TDRP: variants seen among roughly 807,000 people sequenced by gnomAD.
TDRP encodes the protein testis development-related protein.
A neutral mutation model predicts 10.5 loss-of-function variants in TDRP; 12 were observed. The ratio of observed to expected loss-of-function variants is 1.15; its 90% CI spans 0.73 to 1.86. The LOEUF is 1.86. TDRP is among the 40% of genes most tolerant of loss of function. The probability of loss-of-function intolerance (pLI) is 0.00; values close to 1 mark genes in which losing one functional copy is unlikely to be tolerated. For missense variants in TDRP, 353 were observed against 229.2 expected (o/e 1.54, Z -3.49); for synonymous variants, 139 against 95.4 (o/e 1.46, Z -2.67).
chr8:521,587 C>T (rs1053132549), intron 1 of TDRP, among the ~76,000 whole-genome samples: 5 of 152,154 alleles, frequency 3.3e-5, no homozygotes, highest in African/African-American at 1.2e-4. Context: ...TTCCATTGTT[C>T]TATATGTCCG....
intron 1 of TDRP, among the ~76,000 whole-genome samples, chr8:537,436 T>C (rs1802376125): frequency 6.6e-6 from 1 of 152,356 alleles, no homozygotes; most frequent in African/African-American, 2.4e-5. Context: ...AAGCATTAAC[T>C]ATTTCTATTA....
Position 494,522 on chromosome 8 carries a change from C to A in TDRP, c.184G>T (p.Glu62Ter). ...FNKDDEQHLL[E>*]RCKSPKSKGT... ...TTGGACTTGGGAGATTTACATCTTT[C>A]CAGGAGATGCTGCTCATCATCTTTG... Residue 62 changes from glutamate (E) to a stop codon, truncating the protein, a stop_gained, in exon 2 of 3, where the codon GAA (glutamate) becomes TAA (stop). Transcript: ENST00000324079. LOFTEE classifies it low-confidence loss of function (END_TRUNC). 6.2e-7 allele frequency: 1 copy of A among 1,613,958 alleles called. No individual in the cohort carries two copies. The highest frequency in any genetic ancestry group is 8.5e-7 in the Non-Finnish European group (1 of 1,179,874).
rs1584889968 is a variant in TDRP, at chr8:544,641, C to A, written c.108+9G>T. ...CCTACTAGCACTCCCCACCTGCGCACCCCCTCACCTGCGCCTGGGCGGCGG... is the reference window on the plus strand; with the variant it reads ...CCTACTAGCACTCCCCACCTGCGCAACCCCTCACCTGCGCCTGGGCGGCGG... On this transcript the variant is annotated intron_variant, in intron 1 of 2. Transcript: ENST00000324079. The A allele has an allele frequency of 2.4e-6, 3 of 1,234,888 alleles. No individual in the cohort carries two copies. The highest frequency in any genetic ancestry group is 3.1e-5 in the African/African-American group (2 of 63,976). 76.5% of individuals were successfully genotyped at this position (1,234,888 alleles called of 1,614,324 possible).
intron 1 of TDRP, among the ~76,000 whole-genome samples, chr8:529,286 C>T (rs367862413): frequency 1.3e-5 from 2 of 152,112 alleles, no homozygotes; most frequent in African/African-American, 4.8e-5. Context: ...CTACTATGAT[C>T]CCACGAAAAT....
At chr8:514,615 C>A (rs566838377) in intron 1 of TDRP, among the ~76,000 whole-genome samples, 3 of 152,308 alleles carry the variant, frequency 2.0e-5, no homozygotes, top group South Asian at 4.2e-4. Flanking sequence ...CATGTGGCCA[C>A]AAAACCACCC....
At chr8:507,744 G>A (rs1308437345) in intron 1 of TDRP, among the ~76,000 whole-genome samples, 1 of 152,140 alleles carries the variant, frequency 6.6e-6, no homozygotes, top group Non-Finnish European at 1.5e-5. Context: ...AATGGGAAAG[G>A]GGGAACAGTC....
At chr8:495,535 G>A (rs540825636) in intron 1 of TDRP, among the ~76,000 whole-genome samples, 31 of 152,304 alleles carry the variant, frequency 2.0e-4, no homozygotes, top group Admixed American at 7.8e-4. Flanking sequence ...TTACTAAGAA[G>A]AATGGAGAAA....
At chr8:517,282 T>C (rs1801781884) in intron 1 of TDRP, among the ~76,000 whole-genome samples, 1 of 152,164 alleles carries the variant, frequency 6.6e-6, no homozygotes, top group Non-Finnish European at 1.5e-5. Flanking sequence ...ATTTCACATA[T>C]TTTGGAATGG....
rs148597679 is a variant in TDRP at position 544,208 on chromosome 8, G to C, written c.108+442C>G. ...CGAGGAGGCCGTCCGGATGCGCGAT[G>C]ATTCAGGCCTTCTCCGCCAGCTCCA... On this transcript the variant is annotated intron_variant, in intron 1 of 2. Transcript: ENST00000324079. Among the ~76,000 whole-genome samples, 1,357 of 152,260 alleles carry C rather than the reference G, an allele frequency of 8.9e-3. 24 individuals are homozygous for C. Among genetic ancestry groups the C allele is most frequent in the African/African-American group, 0.031 (1,284 of 41,566 alleles).
intron 1 of TDRP, among the ~76,000 whole-genome samples, chr8:541,617 C>T (rs1488639096): frequency 1.3e-5 from 2 of 152,128 alleles, no homozygotes; most frequent in Non-Finnish European, 2.9e-5. Flanking sequence ...AGACACCTCA[C>T]CAAAAAAGGG....
intron 1 of TDRP, among the ~76,000 whole-genome samples, chr8:539,735 T>C (rs933775129): frequency 9.2e-5 from 14 of 152,196 alleles, no homozygotes; most frequent in Non-Finnish European, 1.8e-4. Flanking sequence ...CTTTTCTGGA[T>C]TTCAGAGCGA....
chr8:514,043 T>C (rs1470655922), intron 1 of TDRP, among the ~76,000 whole-genome samples: 1 of 152,230 alleles, frequency 6.6e-6, no homozygotes, highest in African/African-American at 2.4e-5. Flanking sequence ...ACACATTCAA[T>C]GAAACCCCTA....
At chr8:536,211 G>A (rs1038169411) in intron 1 of TDRP, among the ~76,000 whole-genome samples, 1 of 152,156 alleles carries the variant, frequency 6.6e-6, no homozygotes, top group African/African-American at 2.4e-5. Flanking sequence ...ACACAGTTGA[G>A]ACACCTGGAA....
chr8:506,444 C>G (rs966030664), intron 1 of TDRP, among the ~76,000 whole-genome samples: 2 of 152,022 alleles, frequency 1.3e-5, no homozygotes, highest in African/African-American at 4.8e-5. Context: ...ACATGCCGTC[C>G]CCAGCTGCCT....
intron 1 of TDRP, among the ~76,000 whole-genome samples, chr8:541,009 G>A (rs896698669): frequency 1.3e-5 from 2 of 152,182 alleles, no homozygotes; most frequent in South Asian, 4.1e-4. Context: ...TAACATGACA[G>A]TGAATTTAAC....
At position 490,384 on chromosome 8, in the gene TDRP, T is replaced by G. The variant is rs2116695411; in HGVS notation, c.*2015A>C. Reference sequence around the variant, plus strand: ...GCATAAAGAACTATTTTGCCAACTGTGCGTCACAATTCTATGATTGACGTG... The same window carrying G: ...GCATAAAGAACTATTTTGCCAACTGGGCGTCACAATTCTATGATTGACGTG... On this transcript the variant is annotated 3_prime_UTR_variant, in exon 3 of 3. Coordinates refer to ENST00000324079, the MANE Select transcript of TDRP (RefSeq NM_001384899.1). 6.6e-6 allele frequency: 1 copy of G among 152,330 alleles called. No individual in the cohort carries two copies. Among genetic ancestry groups the G allele is most frequent in the African/African-American group, 2.4e-5 (1 of 41,556 alleles). 9.4% of individuals were successfully genotyped at this position (152,330 alleles called of 1,614,324 possible). A position where few individuals can be genotyped will look rare whatever the true frequency, so the allele number is the denominator to read the frequency against.
chr8:524,753 ACAGT>A (rs368181075), intron 1 of TDRP, among the ~76,000 whole-genome samples: 62 of 152,332 alleles, frequency 4.1e-4, no homozygotes, highest in Admixed American at 1.7e-3. Context: ...TTGAAAATAC[ACAGT>A]CAGAGGAGAC....
chr8:497,989 G>A (rs190199615), intron 1 of TDRP, among the ~76,000 whole-genome samples: 5 of 152,260 alleles, frequency 3.3e-5, no homozygotes, highest in East Asian at 1.9e-4. Flanking sequence ...CCTCTGCCTC[G>A]ATTTCAGAGG....
At chr8:504,033 A>G (rs1362940143) in intron 1 of TDRP, among the ~76,000 whole-genome samples, 1 of 151,540 alleles carries the variant, frequency 6.6e-6, no homozygotes, top group Non-Finnish European at 1.5e-5. Flanking sequence ...ACCAACACGG[A>G]ATCCAGAGCC....
Sources: gnomAD v4.1 joint callset for allele counts (sites outside exome capture counted in the v4.1 genomes callset) on GRCh38, gnomAD v4.1.1 for gene constraint, MANE v1.5 for transcripts, NCBI Gene and HGNC (gene_info 2026-07-23, HGNC 2026-07-21) for gene names.